Variants in SPART observed in about 807,000 individuals in gnomAD.
The protein encoded by SPART is spartin.
In SPART, 35 loss-of-function variants were observed where a neutral mutation model predicts 58.7. That is an observed-to-expected ratio of 0.60 (90% CI 0.46 to 0.79). The LOEUF (loss-of-function observed/expected upper bound fraction) is 0.79, where lower values mean the gene tolerates loss of function less well. SPART is among the 30% of genes least tolerant of loss of function. SPART has a pLI of 0.00. For missense variants in SPART, 730 were observed against 786.1 expected, an observed-to-expected ratio of 0.93 and a Z score of 0.85; for synonymous variants, 284 against 280.7, an observed-to-expected ratio of 1.01 and a Z score of -0.12.
chr13:36,329,430 C>T lies in SPART; in HGVS notation c.1096G>A (p.Gly366Ser), dbSNP rs1322382438. The change falls in exon 4 of 9, where the codon GGC (glycine) becomes AGC (serine). Residue 366 changes from glycine (G) to serine (S), a missense_variant. By Grantham distance (56) the Gly-to-Ser change is moderately conservative (BLOSUM62 0). Coordinates refer to ENST00000438666, the MANE Select transcript of SPART (RefSeq NM_015087.5). The stretch of plus-strand genomic sequence containing the variant: ...TGGTCCAACTGTTTCACATCAGTGC[C>T]AGAGGCTTCTTTTAGTTGGTCAGAG... ...PSSDQLKEAS[G>S]TDVKQLDQGN... The T allele has an allele frequency of 6.2e-7, 1 of 1,614,116 alleles. No homozygotes were observed. Among genetic ancestry groups the T allele is most frequent in the Non-Finnish European group, 8.5e-7 (1 of 1,179,992 alleles).
chr13:36,323,535 G>A (rs1882628065), intron 5 of SPART, among the ~76,000 whole-genome samples: 1 of 152,130 alleles, frequency 6.6e-6, no homozygotes, highest in Non-Finnish European at 1.5e-5. Flanking sequence ...TTTGACAGTG[G>A]ACAGGCACCA....
At chr13:36,354,904 A>T (rs2137701603) in intron 1 of SPART, among the ~76,000 whole-genome samples, 1 of 152,356 alleles carries the variant, frequency 6.6e-6, no homozygotes, top group African/African-American at 2.4e-5. Flanking sequence ...ACTTTTAATA[A>T]TAGCTGAAGA....
At chr13:36,327,925 C>T (rs1364223990) in intron 4 of SPART, among the ~76,000 whole-genome samples, 1 of 152,086 alleles carries the variant, frequency 6.6e-6, no homozygotes, top group Non-Finnish European at 1.5e-5. Context: ...ACCCGGGAGG[C>T]GGAGGTTGCA....
intron 1 of SPART, among the ~76,000 whole-genome samples, chr13:36,359,420 A>C (rs1885750653): frequency 6.6e-6 from 1 of 152,188 alleles, no homozygotes; most frequent in South Asian, 2.1e-4. Context: ...AACACCTTAG[A>C]AAAAAGAGTA....
chr13:36,311,811 G>A (rs143113573), intron 8 of SPART, among the ~76,000 whole-genome samples: 1 of 152,200 alleles, frequency 6.6e-6, no homozygotes, highest in East Asian at 1.9e-4. Context: ...TAGTCCGCCA[G>A]GCATGGTGGC....
chr13:36,336,562 G>A (rs1008586537), intron 1 of SPART, among the ~76,000 whole-genome samples: 3 of 152,170 alleles, frequency 2.0e-5, no homozygotes, highest in African/African-American at 7.2e-5. Context: ...AGTGCTAAGT[G>A]AAGACAAGTG....
chr13:36,325,407 T>C (rs1882831687), intron 5 of SPART, among the ~76,000 whole-genome samples: 2 of 152,228 alleles, frequency 1.3e-5, no homozygotes, highest in African/African-American at 4.8e-5. Flanking sequence ...ATTTTATTAG[T>C]TCCTAGCAAG....
chr13:36,323,565 G>A (rs1882631174), intron 5 of SPART, among the ~76,000 whole-genome samples: 1 of 152,174 alleles, frequency 6.6e-6, no homozygotes, highest in African/African-American at 2.4e-5. Context: ...TAAGATGAAT[G>A]AGCTCAATTT....
At chr13:36,347,421 A>G (rs919792626), upstream of SPART, among the ~76,000 whole-genome samples, 12 of 151,922 alleles carry the variant, frequency 7.9e-5, no homozygotes, top group African/African-American at 2.9e-4. Context: ...GTTTCACCAT[A>G]TTGGCCAAGC....
In SPART at chr13:36,335,396, G is replaced by A. The variant is rs779776499; in HGVS notation, c.435C>T (p.Thr145=). 1.8e-5 allele frequency: 29 copies of A among 1,613,928 alleles called. No homozygotes were observed. In the South Asian group the frequency reaches 2.1e-4, roughly 12 times the overall value. ...APQHAEVNGN[T]STPSAGAVAA... ...CAACTGCCCCTGCACTTGGAGTTGA[G>A]GTGTTTCCATTTACTTCAGCATGCT... Residue 145 remains threonine, a synonymous_variant, in exon 2 of 9, where the codon ACC becomes ACT. Transcript: ENST00000438666.
At chr13:36,320,508 T>A (rs1053875622) in intron 5 of SPART, among the ~76,000 whole-genome samples, 26 of 152,224 alleles carry the variant, frequency 1.7e-4, no homozygotes, top group Non-Finnish European at 2.4e-4. Context: ...AGCCTGCCTC[T>A]TAGAACCTCT....
intron 5 of SPART, chr13:36,325,913 C>T (rs1882883028): frequency 6.6e-6 from 1 of 152,338 alleles, no homozygotes; most frequent in Non-Finnish European, 1.5e-5. Context: ...ATATCATAAA[C>T]TAGTAGCTTA....
intron 8 of SPART, among the ~76,000 whole-genome samples, chr13:36,309,578 T>C (rs981582154): frequency 1.3e-5 from 2 of 152,180 alleles, no homozygotes; most frequent in Non-Finnish European, 2.9e-5. Context: ...ATCATATCCT[T>C]TGCAGCAACA....
At chr13:36,323,207 T>C (rs1171996835) in intron 5 of SPART, among the ~76,000 whole-genome samples, 2 of 152,192 alleles carry the variant, frequency 1.3e-5, no homozygotes, top group South Asian at 4.1e-4. Context: ...TGGGAAAGAC[T>C]AGGGAGTTGA....
At chr13:36,316,241 G>A (rs1881684777) in intron 5 of SPART, among the ~76,000 whole-genome samples, 1 of 152,172 alleles carries the variant, frequency 6.6e-6, no homozygotes, top group Non-Finnish European at 1.5e-5. Context: ...CACTTTTACT[G>A]AACTAAAGAA....
rs1158109877 is a variant in SPART at position 36,335,731 on chromosome 13, C to G, written c.100G>C (p.Asp34His). ...FLFVNKGLNT[D>H]ELGQKEEAKN... ...GCTTCTTCCTTCTGACCTAATTCATCTGTATTCAGACCTTTGTTAACAAAT... is the reference window on the plus strand; with the variant it reads ...GCTTCTTCCTTCTGACCTAATTCATGTGTATTCAGACCTTTGTTAACAAAT... Residue 34 changes from aspartate (D) to histidine (H), a missense_variant, in exon 2 of 9, where the codon GAT becomes CAT. Coordinates refer to ENST00000438666, the MANE Select transcript of SPART (RefSeq NM_015087.5). 1 of 1,614,000 alleles carries G rather than the reference C, an allele frequency of 6.2e-7. No homozygotes were observed. The highest frequency in any genetic ancestry group is 1.3e-5 in the African/African-American group (1 of 74,916).
chr13:36,304,956 T>A (rs1415901285), intron 8 of SPART, among the ~76,000 whole-genome samples: 1 of 152,172 alleles, frequency 6.6e-6, no homozygotes, highest in Non-Finnish European at 1.5e-5. Context: ...CTTTTTTTAA[T>A]CCTCCCTTTC....
chr13:36,329,406 G>T lies in SPART; in HGVS notation c.1120C>A (p.Gln374Lys). The change falls in exon 4 of 9, where the codon CAA (glutamine) becomes AAA (lysine). Residue 374 changes from glutamine (Q) to lysine (K), a missense_variant. Transcript: ENST00000438666. Reference protein sequence around the residue: ...ASGTDVKQLDQGNKDVRHKGK... With the variant: ...ASGTDVKQLDKGNKDVRHKGK... ...TTATGACGTACATCCTTATTGCCTT[G>T]GTCCAACTGTTTCACATCAGTGCCA... 1 of 1,613,970 alleles carries T rather than the reference G, an allele frequency of 6.2e-7. No individual in the cohort carries two copies. Among genetic ancestry groups the T allele is most frequent in the South Asian group, 1.1e-5 (1 of 91,080 alleles).
chr13:36,357,688 G>A (rs1165518866), intron 1 of SPART, among the ~76,000 whole-genome samples: 1 of 152,180 alleles, frequency 6.6e-6, no homozygotes, highest in African/African-American at 2.4e-5. Flanking sequence ...CTTATAAAAG[G>A]TTTTTAAATT....
Sources: gnomAD v4.1 joint callset for allele counts (sites outside exome capture counted in the v4.1 genomes callset) on GRCh38, gnomAD v4.1.1 for gene constraint, MANE v1.5 for transcripts, NCBI Gene and HGNC (gene_info 2026-07-23, HGNC 2026-07-21) for gene names.